Variants in RNF144B observed in about 807,000 individuals in gnomAD.
RNF144B encodes the protein E3 ubiquitin-protein ligase RNF144B.
A neutral mutation model predicts 40.2 loss-of-function variants in RNF144B; 25 were observed. The observed-to-expected ratio is 0.62, with a 90% CI of 0.45 to 0.87. The LOEUF (loss-of-function observed/expected upper bound fraction) is 0.87. Ranked by LOEUF, RNF144B falls within the 40% of genes least tolerant of loss-of-function variation. The pLI is 0.00. For missense variants in RNF144B, 365 were observed against 373.7 expected, an observed-to-expected ratio of 0.98 and a Z score of 0.19; for synonymous variants, 145 against 136.3, an observed-to-expected ratio of 1.06 and a Z score of -0.44.
intron 4 of RNF144B, among the ~76,000 whole-genome samples, chr6:18,449,697 G>GTATA (rs70974745): frequency 1.3e-3 from 201 of 149,336 alleles, no homozygotes; most frequent in Middle Eastern, 3.5e-3. Flanking sequence ...GTGTTTTGAA[G>GTATA]TATATATATA....
chr6:18,436,833 T>G lies in RNF144B; in HGVS notation c.271-2851T>G, dbSNP rs996799537. Among the ~76,000 whole-genome samples, 4 of 152,198 alleles carry G rather than the reference T, an allele frequency of 2.6e-5. No individual in the cohort carries two copies. The South Asian group carries it at 8.3e-4, about 32-fold the overall frequency. ...TTTTACAGTTGTAAAAATGGAGGTC[T>G]TGAGCAATAGTGACTTAGCTCCAAA... On this transcript the variant is annotated intron_variant, in intron 3 of 7. Transcript: ENST00000259939.
chr6:18,403,831 A>G (rs753909173), intron 2 of RNF144B, among the ~76,000 whole-genome samples: 19 of 152,234 alleles, frequency 1.2e-4, no homozygotes, highest in Non-Finnish European at 2.4e-4. Flanking sequence ...CTAGGTCAAA[A>G]CACAGCAGAG....
intron 3 of RNF144B, among the ~76,000 whole-genome samples, chr6:18,429,434 T>C (rs1758644000): frequency 6.6e-6 from 1 of 152,162 alleles, no homozygotes; most frequent in African/African-American, 2.4e-5. Flanking sequence ...TTTTTAACAA[T>C]TTGTGTCTGG....
In RNF144B at chr6:18,410,557, G is replaced by A. The variant is rs1795011915; in HGVS notation, c.165+10858G>A. On this transcript the variant is annotated intron_variant, in intron 2 of 7. Transcript: ENST00000259939. The surrounding 1 kb of genome is among the most constrained non-coding windows in gnomAD (Gnocchi z 4.6). ...GAGGCCAGCCACATGTGAGAACACA[G>A]AATCAGGGAAGAGTGACCTGCTGAG... 6.6e-6 allele frequency among the ~76,000 whole-genome samples: 1 copy of A among 152,158 alleles called. No homozygotes were observed. The highest frequency in any genetic ancestry group is 2.4e-5 in the African/African-American group (1 of 41,430).
rs764267485 is a variant in RNF144B at position 18,458,480 on chromosome 6, G to A, written c.536+1121G>A. 2.0e-5 allele frequency among the ~76,000 whole-genome samples: 3 copies of A among 152,192 alleles called. No individual in the cohort carries two copies. The highest frequency in any genetic ancestry group is 4.4e-5 in the Non-Finnish European group (3 of 68,042). Reference sequence around the variant, plus strand: ...GAACAAACAAATGGAGAGGAATAGAGAAGCTAATACACATGGCAGGCATGT... The same window carrying A: ...GAACAAACAAATGGAGAGGAATAGAAAAGCTAATACACATGGCAGGCATGT... On this transcript the variant is annotated intron_variant, in intron 5 of 7. Coordinates refer to ENST00000259939, the MANE Select transcript of RNF144B (RefSeq NM_182757.4). The surrounding 1 kb of genome is among the most constrained non-coding windows in gnomAD (Gnocchi z 4.8).
rs1759623121 is a variant in RNF144B, at chr6:18,468,647, T to C, written c.*3580T>C. Reference sequence around the variant, plus strand: ...GATGCCTTTATGTGATATAGAGTCATGTGTGTATGTGTAGCTTTAAGGGCA... The same window carrying C: ...GATGCCTTTATGTGATATAGAGTCACGTGTGTATGTGTAGCTTTAAGGGCA... On this transcript the variant is annotated 3_prime_UTR_variant, in exon 8 of 8. Coordinates refer to ENST00000259939, the MANE Select transcript of RNF144B (RefSeq NM_182757.4). 1 of 152,220 alleles carries C rather than the reference T, an allele frequency of 6.6e-6. No homozygotes were observed. The highest frequency in any genetic ancestry group is 1.9e-4 in the East Asian group (1 of 5,188). 9.4% of individuals were successfully genotyped at this position (152,220 alleles called of 1,614,324 possible).
In RNF144B at chr6:18,400,098, C is replaced by A. The variant is rs1452857350; in HGVS notation, c.165+399C>A. Among the ~76,000 whole-genome samples the A allele has an allele frequency of 6.6e-6, 1 of 151,880 alleles. No individual in the cohort carries two copies. Among genetic ancestry groups the A allele is most frequent in the African/African-American group, 2.4e-5 (1 of 41,328 alleles). On this transcript the variant is annotated intron_variant, in intron 2 of 7. Transcript: ENST00000259939. This position sits in a 1 kb window ranked among gnomAD's most constrained non-coding sequence, Gnocchi z 5.6. Reference sequence around the variant, plus strand: ...CATCCTAGCTAACATGGTAAAACCCCGTCTCTACTAAAAATACAAAAGAAA... The same window carrying A: ...CATCCTAGCTAACATGGTAAAACCCAGTCTCTACTAAAAATACAAAAGAAA...
rs538455596 is a variant in RNF144B, at chr6:18,396,352, C to T, written c.-36-3147C>T. 8.7e-5 allele frequency: 81 copies of T among 933,478 alleles called. No individual in the cohort carries two copies. The African/African-American group carries it at 1.4e-3, about 16-fold the overall frequency. The allele number at this position is 933,478 out of a possible 1,614,324, so 57.8% of individuals were successfully genotyped here. On this transcript the variant is annotated intron_variant, in intron 1 of 7. Coordinates refer to ENST00000259939, the MANE Select transcript of RNF144B (RefSeq NM_182757.4). ...TATCCAATTAATTTCTAAGAGGTATCCCAATTATGTCTTTGTTTTTCAAGA... is the reference window on the plus strand; with the variant it reads ...TATCCAATTAATTTCTAAGAGGTATTCCAATTATGTCTTTGTTTTTCAAGA...
At chr6:18,435,798 C>A (rs999745446) in intron 3 of RNF144B, among the ~76,000 whole-genome samples, 1 of 149,018 alleles carries the variant, frequency 6.7e-6, no homozygotes, top group East Asian at 2.0e-4. Flanking sequence ...CACATGTTCT[C>A]ACTCATAGGT....
At chr6:18,439,853 A>C in intron 4 of RNF144B, 109 bp downstream of exon 4, 2 of 676,112 alleles carry the variant, frequency 3.0e-6, no homozygotes, top group Non-Finnish European at 5.3e-6. Flanking sequence ...ACAAAGCCTC[A>C]AGGGTACTCT....
At chr6:18,417,039 A>G (rs1795159100) in intron 2 of RNF144B, among the ~76,000 whole-genome samples, 1 of 152,220 alleles carries the variant, frequency 6.6e-6, no homozygotes, top group Admixed American at 6.5e-5. Flanking sequence ...TAAAATATTT[A>G]GGGATAAATT....
intron 6 of RNF144B, among the ~76,000 whole-genome samples, chr6:18,461,953 T>C (rs1759465175): frequency 6.6e-6 from 1 of 152,184 alleles, no homozygotes; most frequent in Non-Finnish European, 1.5e-5. Flanking sequence ...TGAGTTACGC[T>C]TAATTGTCTG....
rs12174824 is a variant in RNF144B, at chr6:18,444,719, A to C, written c.331+4975A>C. On this transcript the variant is annotated intron_variant, in intron 4 of 7. Coordinates refer to ENST00000259939, the MANE Select transcript of RNF144B (RefSeq NM_182757.4). This position sits in a 1 kb window ranked among gnomAD's most constrained non-coding sequence, Gnocchi z 4.3. ...GTTGTCTTTCTTTTGCTGTCTGTTA[A>C]TATTACTGACTTCACTCCTGTATTA... is the stretch of plus-strand genomic sequence containing the variant. 0.031 allele frequency among the ~76,000 whole-genome samples: 4,671 copies of C among 152,184 alleles called. 157 individuals are homozygous for C. The highest frequency in any genetic ancestry group is 0.16 in the South Asian group (796 of 4,826).
At chr6:18,387,916 T>C (rs938455446) in intron 1 of RNF144B, among the ~76,000 whole-genome samples, 1 of 152,230 alleles carries the variant, frequency 6.6e-6, no homozygotes, top group Admixed American at 6.5e-5. Flanking sequence ...TCTCCCTAGG[T>C]CTTAAGGGGA....
chr6:18,408,059 A>T (rs1794952630), intron 2 of RNF144B, among the ~76,000 whole-genome samples: 1 of 146,102 alleles, frequency 6.8e-6, no homozygotes, highest in South Asian at 2.1e-4. Context: ...ATCTCAGCTC[A>T]CTGTGACCTT....
Position 18,443,316 on chromosome 6 carries a change from G to T in RNF144B, c.331+3572G>T, listed in dbSNP as rs10949512. Among the ~76,000 whole-genome samples the T allele has an allele frequency of 0.12, 18,989 of 152,002 alleles. 1,367 individuals carry two copies. The highest frequency in any genetic ancestry group is 0.19 in the Admixed American group (2,950 of 15,262). On this transcript the variant is annotated intron_variant, in intron 4 of 7. Coordinates refer to ENST00000259939, the MANE Select transcript of RNF144B (RefSeq NM_182757.4). This position sits in a 1 kb window ranked among gnomAD's most constrained non-coding sequence, Gnocchi z 4.7. ...CTCATTCTGTTGCCCAGGCTGGATT[G>T]CAGTGGCACGAACTCTGCCCACTGC...
Position 18,468,711 on chromosome 6 carries a change from C to T in RNF144B, c.*3644C>T, listed in dbSNP as rs1250551682. On this transcript the variant is annotated 3_prime_UTR_variant, in exon 8 of 8. Coordinates refer to ENST00000259939, the MANE Select transcript of RNF144B (RefSeq NM_182757.4). ...ATTAGATGAATGACATTTTATAAAG[C>T]GATCACAATTGATATCTACAGGCTA... 1 of 152,108 alleles carries T rather than the reference C, an allele frequency of 6.6e-6. No individual in the cohort carries two copies. Among genetic ancestry groups the T allele is most frequent in the Non-Finnish European group, 1.5e-5 (1 of 68,016 alleles). 9.4% of individuals were successfully genotyped at this position (152,108 alleles called of 1,614,324 possible).
intron 2 of RNF144B, among the ~76,000 whole-genome samples, chr6:18,417,072 A>C (rs1795159500): frequency 6.6e-6 from 1 of 152,210 alleles, no homozygotes; most frequent in Non-Finnish European, 1.5e-5. Flanking sequence ...AAATTCTCTG[A>C]AAACTGCAAA....
rs1300913835 is a variant in RNF144B, at chr6:18,457,848, C to G, written c.536+489C>G. On this transcript the variant is annotated intron_variant, in intron 5 of 7. Coordinates refer to ENST00000259939, the MANE Select transcript of RNF144B (RefSeq NM_182757.4). The surrounding 1 kb of genome is among the most constrained non-coding windows in gnomAD (Gnocchi z 5.1). ...TTCAGCACGTAGAAAGGAGGGTTCT[C>G]TCATGATATTTTATGCTCTGTAAAG... is the stretch of plus-strand genomic sequence containing the variant. Among the ~76,000 whole-genome samples the G allele has an allele frequency of 6.6e-6, 1 of 152,168 alleles. No individual in the cohort carries two copies. The highest frequency in any genetic ancestry group is 1.5e-5 in the Non-Finnish European group (1 of 68,032).
Sources: allele counts gnomAD v4.1 joint callset (sites outside exome capture counted in the v4.1 genomes callset), GRCh38; gene constraint gnomAD v4.1.1; non-coding constraint Gnocchi (gnomAD v3.1); transcripts MANE v1.5; gene names NCBI Gene and HGNC (gene_info 2026-07-23, HGNC 2026-07-21).